Variants in DDX60L observed in about 807,000 individuals in gnomAD.
DDX60L encodes probable ATP-dependent RNA helicase DDX60-like.
Under a neutral mutation model 211.6 loss-of-function variants are expected in DDX60L, and 191 were observed. The observed-to-expected ratio is 0.90, with a 90% confidence interval of 0.80 to 1.02. The LOEUF (loss-of-function observed/expected upper bound fraction) is 1.02. DDX60L is among the 50% of genes least tolerant of loss of function. The probability of loss-of-function intolerance (pLI) is 0.00; values close to 1 mark genes in which losing one functional copy is unlikely to be tolerated. For synonymous variants in DDX60L, 706 were observed against 694.1 expected (o/e 1.02, Z -0.27); for missense variants, 2,007 against 1,984.1 (o/e 1.01, Z -0.22).
intron 36 of DDX60L, among the ~76,000 whole-genome samples, chr4:168,370,823 C>G (rs1258165702): frequency 1.3e-5 from 2 of 149,882 alleles, no homozygotes; most frequent in African/African-American, 5.1e-5. Flanking sequence ...TCCTGAATCA[C>G]TGTTTAAAAG....
intron 9 of DDX60L, among the ~76,000 whole-genome samples, chr4:168,446,518 T>G (rs1754822854): frequency 6.6e-6 from 1 of 152,144 alleles, no homozygotes; most frequent in South Asian, 2.1e-4. Context: ...TTCACAGAAT[T>G]GGAAAAAACT....
At chr4:168,409,323 T>C (rs1748283709) in intron 22 of DDX60L, among the ~76,000 whole-genome samples, 1 of 152,166 alleles carries the variant, frequency 6.6e-6, no homozygotes, top group Non-Finnish European at 1.5e-5. Context: ...CGAAGGCACA[T>C]GGCCAAAATG....
chr4:168,402,125 T>C (rs954173294), intron 25 of DDX60L, among the ~76,000 whole-genome samples: 1 of 85,512 alleles, frequency 1.2e-5, no homozygotes, highest in Non-Finnish European at 2.1e-5. Context: ...CTTCAGAGGC[T>C]TTTTTTTTTT....
At chr4:168,360,081 G>A (rs1317790052) in intron 37 of DDX60L, among the ~76,000 whole-genome samples, 1 of 152,030 alleles carries the variant, frequency 6.6e-6, no homozygotes, top group Non-Finnish European at 1.5e-5. Flanking sequence ...TCCGATTATA[G>A]TAGCATTAAT....
At chr4:168,442,863 A>G (rs1220602639) in intron 9 of DDX60L, among the ~76,000 whole-genome samples, 3 of 151,358 alleles carry the variant, frequency 2.0e-5, no homozygotes, top group Admixed American at 6.6e-5. Context: ...CATCCACACC[A>G]AAAACCCATC....
chr4:168,423,676 G>T lies in DDX60L; in HGVS notation c.2029C>A (p.Gln677Lys). 1 of 1,604,720 alleles carries T rather than the reference G, an allele frequency of 6.2e-7. No individual in the cohort carries two copies. The highest frequency in any genetic ancestry group is 8.5e-7 in the Non-Finnish European group (1 of 1,175,402). ...YPEILEAEHH[Q>K]YIAKCLKYLG... ...TATTTAAGGCATTTAGCTATATATT[G>T]ATGATGTTCTGCTTCCAAAATTTCT... is the stretch of plus-strand genomic sequence containing the variant. Residue 677 changes from glutamine to lysine, a missense_variant, in exon 15 of 38, where the codon CAA (glutamine) becomes AAA (lysine). Coordinates refer to ENST00000682922, the MANE Select transcript of DDX60L (RefSeq NM_001012967.3).
chr4:168,454,370 GA>G (rs1445039577), intron 7 of DDX60L, among the ~76,000 whole-genome samples: 1 of 152,140 alleles, frequency 6.6e-6, no homozygotes, highest in Non-Finnish European at 1.5e-5. Flanking sequence ...TCTGGGCTCT[GA>G]AAACCGTCTA....
intron 22 of DDX60L, among the ~76,000 whole-genome samples, chr4:168,411,791 C>G (rs1035769651): frequency 6.6e-6 from 1 of 151,990 alleles, no homozygotes; most frequent in Admixed American, 6.6e-5. Context: ...CATCATCCCT[C>G]CCCCAACCCT....
intron 6 of DDX60L, among the ~76,000 whole-genome samples, chr4:168,457,444 GA>G (rs199842338): frequency 1.0e-3 from 130 of 127,996 alleles, no homozygotes; most frequent in Middle Eastern, 4.4e-3. Flanking sequence ...TTGAGCATCA[GA>G]AAAAAAAAAA....
At chr4:168,461,670 G>GA (rs199864270) in intron 5 of DDX60L, 29 bp downstream of exon 5, 19 of 1,328,614 alleles carry the variant, frequency 1.4e-5, no homozygotes, top group Admixed American at 6.3e-5. Flanking sequence ...AAGAAATCAG[G>GA]AAAAAAATGA....
chr4:168,375,922 C>CATATA, intron 33 of DDX60L, among the ~76,000 whole-genome samples: 1 of 152,188 alleles, frequency 6.6e-6, no homozygotes, highest in African/African-American at 2.4e-5. Context: ...CTGCCCCAAG[C>CATATA]ACTTGTTATA....
Position 168,356,889 on chromosome 4 carries a change from T to C in DDX60L, c.*1258A>G, listed in dbSNP as rs1303665504. On this transcript the variant is annotated 3_prime_UTR_variant, in exon 38 of 38. Coordinates refer to ENST00000682922, the MANE Select transcript of DDX60L (RefSeq NM_001012967.3). ...ACAAAATTCACTTGAGGTTTTCTGGTTGAAACTTTCAATAGCTTTAAGAAT... is the reference window on the plus strand; with the variant it reads ...ACAAAATTCACTTGAGGTTTTCTGGCTGAAACTTTCAATAGCTTTAAGAAT... The C allele has an allele frequency of 6.6e-6, 1 of 152,234 alleles. No homozygotes were observed. The highest frequency in any genetic ancestry group is 2.4e-5 in the African/African-American group (1 of 41,464). The allele number at this position is 152,234 out of a possible 1,614,324, so 9.4% of individuals were successfully genotyped here. A position where few individuals can be genotyped will look rare whatever the true frequency, so the allele number is the denominator to read the frequency against.
chr4:168,433,198 A>C (rs577315777), intron 10 of DDX60L, 83 bp from the exon 11 acceptor site: 1 of 916,722 alleles, frequency 1.1e-6, no homozygotes, highest in African/African-American at 1.7e-5. Flanking sequence ...AAAATTTCAA[A>C]TGCATAATAT....
At chr4:168,379,575 G>T in intron 31 of DDX60L, 71 bp from the exon 32 acceptor site, 2 of 1,262,384 alleles carry the variant, frequency 1.6e-6, no homozygotes, top group South Asian at 1.5e-5. Flanking sequence ...CAGTGTGAGT[G>T]ACTGACAAAT....
chr4:168,404,275 G>A (rs907424883), intron 24 of DDX60L, among the ~76,000 whole-genome samples, 169 bp from the exon 25 acceptor site: 10 of 151,720 alleles, frequency 6.6e-5, no homozygotes, highest in Non-Finnish European at 1.5e-4. Context: ...AAAGTCAACA[G>A]AGTCACAGAC....
intron 29 of DDX60L, among the ~76,000 whole-genome samples, chr4:168,386,810 A>G (rs761245751): frequency 6.6e-6 from 1 of 152,234 alleles, no homozygotes; most frequent in Non-Finnish European, 1.5e-5. Context: ...GAAAAAAGCA[A>G]GAAGACAGAG....
chr4:168,416,793 T>C lies in DDX60L; in HGVS notation c.2615A>G (p.His872Arg), dbSNP rs1749641964. The stretch of plus-strand genomic sequence containing the variant: ...TGCTCCAACTTCTCTGCCAAGATAA[T>C]GGACCTAGTAAAGAAAAAAAAATCA... ...RIRYVIFDEV[H>R]YLGREVGAKF... is the part of the protein sequence containing the mutation. The change falls in exon 20 of 38, where the codon CAT (histidine) becomes CGT (arginine). Residue 872 changes from histidine (H) to arginine (R), a missense_variant. By Grantham distance (29) the His-to-Arg change is conservative. Transcript: ENST00000682922. 2 of 1,552,998 alleles carry C rather than the reference T, an allele frequency of 1.3e-6. No homozygotes were observed. Among genetic ancestry groups the C allele is most frequent in the Non-Finnish European group, 1.7e-6 (2 of 1,145,886 alleles).
intron 9 of DDX60L, 29 bp from the exon 10 acceptor site, chr4:168,441,521 T>C: frequency 6.4e-7 from 1 of 1,558,768 alleles, no homozygotes; most frequent in Non-Finnish European, 8.7e-7. Flanking sequence ...TATTAAAATC[T>C]CAAAAGTCAT....
intron 28 of DDX60L, among the ~76,000 whole-genome samples, chr4:168,391,991 A>G (rs1261905403): frequency 6.6e-6 from 1 of 152,210 alleles, no homozygotes; most frequent in Non-Finnish European, 1.5e-5. Flanking sequence ...AAGTATCATG[A>G]GGACATGGGC....
Sources: gnomAD v4.1 joint callset for allele counts (sites outside exome capture counted in the v4.1 genomes callset) on GRCh38, gnomAD v4.1.1 for gene constraint, MANE v1.5 for transcripts, NCBI Gene and HGNC (gene_info 2026-07-23, HGNC 2026-07-21) for gene names.